The following AGT variants were observed in gnomAD, a reference collection of about 807,000 sequenced individuals.
AGT encodes the protein angiotensinogen.
A neutral mutation model predicts 28.1 loss-of-function variants in AGT; 26 were observed. The observed-to-expected ratio is 0.92, with a 90% confidence interval of 0.68 to 1.28. The LOEUF (loss-of-function observed/expected upper bound fraction) is 1.28, where lower values mean the gene tolerates loss of function less well. Among genes scored for constraint, AGT ranks in the 50% most tolerant of loss-of-function variants. The pLI is 0.00. For synonymous variants in AGT, 259 were observed against 259.6 expected, an observed-to-expected ratio of 1.00 and a Z score of 0.02; for missense variants, 596 against 592.3, an observed-to-expected ratio of 1.01 and a Z score of -0.06.
At chr1:230,736,155 A>G (rs1342971122) in intron 1 of AGT, among the ~76,000 whole-genome samples, 2 of 149,874 alleles carry the variant, frequency 1.3e-5, no homozygotes, top group Admixed American at 6.7e-5. Context: ...ATTTATGTTT[A>G]AGGCAAAGTT....
intron 1 of AGT, among the ~76,000 whole-genome samples, chr1:230,740,811 T>C (rs188300898): frequency 1.3e-5 from 2 of 152,238 alleles, no homozygotes; most frequent in East Asian, 3.9e-4. Flanking sequence ...TAGCTGGATG[T>C]GGTGGCACAC....
intron 1 of AGT, among the ~76,000 whole-genome samples, chr1:230,735,207 C>T (rs2102805103): frequency 6.6e-6 from 1 of 152,240 alleles, no homozygotes; most frequent in East Asian, 1.9e-4. Flanking sequence ...TCACTGAACG[C>T]TTCCTTCCAC....
At chr1:230,713,930 G>T (rs1000072384) in intron 1 of AGT, among the ~76,000 whole-genome samples, 156 bp downstream of exon 1, 8 of 152,152 alleles carry the variant, frequency 5.3e-5, no homozygotes, top group Admixed American at 1.3e-4. Flanking sequence ...GGCACCGAGT[G>T]GGGGAAAGCC....
At chr1:230,714,337 C>T (rs5049), upstream of AGT, 24,510 of 152,278 alleles carry the variant, frequency 0.16, 2,314 homozygotes, top group African/African-American at 0.27. Flanking sequence ...CAGAGTGAGC[C>T]GGTGCAGGGT....
intron 2 of AGT, among the ~76,000 whole-genome samples, chr1:230,706,421 C>T (rs886844601): frequency 6.6e-6 from 1 of 152,112 alleles, no homozygotes; most frequent in Non-Finnish European, 1.5e-5. Flanking sequence ...CTGAGGCAGC[C>T]CTAACCGCCA....
intron 2 of AGT, among the ~76,000 whole-genome samples, chr1:230,706,823 C>T (rs771830356): frequency 1.1e-4 from 17 of 152,132 alleles, no homozygotes; most frequent in South Asian, 4.1e-4. Context: ...TAGGTTTGGA[C>T]GCACGTAGAA....
intron 1 of AGT, among the ~76,000 whole-genome samples, chr1:230,732,216 G>T (rs1664082382): frequency 6.6e-6 from 1 of 152,134 alleles, no homozygotes; most frequent in Non-Finnish European, 1.5e-5. Context: ...GCTCAGGCTG[G>T]TCTCAAATTC....
chr1:230,718,027 G>C (rs185475313), upstream of AGT, among the ~76,000 whole-genome samples: 1 of 152,178 alleles, frequency 6.6e-6, no homozygotes, highest in Admixed American at 6.5e-5. Context: ...GCAGTGGCAT[G>C]ATCATGTCTC....
In AGT at chr1:230,710,271, G is replaced by GTACT; in HGVS notation, c.552_553insAGTA (p.Gln185SerfsTer6). On this transcript the variant is annotated frameshift_variant, in exon 2 of 5. Coordinates refer to ENST00000366667, the MANE Select transcript of AGT (RefSeq NM_001384479.1). LOFTEE classifies it high-confidence loss of function. ...TGGGCCTGGCTATCAGCCCTGCCCT[G>GTACT]GGCCACTAGCAGGCCCTGTACAGCC... 1 of 1,613,848 alleles carries GTACT rather than the reference G, an allele frequency of 6.2e-7. No individual in the cohort carries two copies. Among genetic ancestry groups the GTACT allele is most frequent in the Non-Finnish European group, 8.5e-7 (1 of 1,180,016 alleles).
intron 1 of AGT, among the ~76,000 whole-genome samples, chr1:230,728,183 A>C (rs1031218483): frequency 1.3e-5 from 2 of 152,170 alleles, no homozygotes; most frequent in African/African-American, 4.8e-5. Flanking sequence ...AAAAGTCTGA[A>C]AAGGAATCTG....
At chr1:230,708,951 C>T (rs1246285582) in intron 2 of AGT, among the ~76,000 whole-genome samples, 1 of 152,222 alleles carries the variant, frequency 6.6e-6, no homozygotes, top group Admixed American at 6.5e-5. Context: ...AAGCCAACCG[C>T]CCCATCCTCG....
At chr1:230,720,260 A>G (rs1449319754) in intron 1 of AGT, among the ~76,000 whole-genome samples, 2 of 152,218 alleles carry the variant, frequency 1.3e-5, no homozygotes, top group East Asian at 3.9e-4. Flanking sequence ...TTATCTCACA[A>G]GCAGAGGGAG....
chr1:230,724,344 T>G (rs949948796), intron 1 of AGT, among the ~76,000 whole-genome samples: 3 of 152,226 alleles, frequency 2.0e-5, no homozygotes, highest in Non-Finnish European at 2.9e-5. Flanking sequence ...TTTAGAAACA[T>G]CTACTGTATT....
intron 1 of AGT, among the ~76,000 whole-genome samples, chr1:230,738,876 C>T (rs79128378): frequency 0.022 from 3,414 of 152,052 alleles, 122 homozygotes; most frequent in African/African-American, 0.077. Flanking sequence ...TTAATAAACC[C>T]AGTAATATTG....
upstream of AGT, among the ~76,000 whole-genome samples, chr1:230,716,638 T>C (rs908818595): frequency 1.3e-5 from 2 of 152,220 alleles, no homozygotes; most frequent in African/African-American, 4.8e-5. Context: ...GGAGTTCCCC[T>C]GAACATGCTT....
chr1:230,704,419 T>C (rs1663326183), intron 3 of AGT, 82 bp from the exon 4 acceptor site: 7 of 1,536,892 alleles, frequency 4.6e-6, no homozygotes, highest in South Asian at 2.3e-5. Context: ...TTATGCTCCT[T>C]GCACCCAACC....
At chr1:230,744,584 C>G in intron 1 of AGT, among the ~76,000 whole-genome samples, 1 of 152,294 alleles carries the variant, frequency 6.6e-6, no homozygotes. Context: ...GATTGTTAAA[C>G]CTTTTTGGTG....
intron 1 of AGT, among the ~76,000 whole-genome samples, chr1:230,721,212 C>T (rs1047262646): frequency 3.3e-5 from 5 of 152,246 alleles, no homozygotes; most frequent in Non-Finnish European, 5.9e-5. Context: ...GTCCTTTTAT[C>T]AGCAGAGTCA....
intron 1 of AGT, among the ~76,000 whole-genome samples, chr1:230,730,957 A>G (rs1430714795): frequency 2.6e-5 from 4 of 152,178 alleles, no homozygotes; most frequent in African/African-American, 9.7e-5. Context: ...AGTAGTTATG[A>G]ATTAACCTAA....
Sources: allele counts gnomAD v4.1 joint callset (sites outside exome capture counted in the v4.1 genomes callset), GRCh38; gene constraint gnomAD v4.1.1; transcripts MANE v1.5; gene names NCBI Gene and HGNC (gene_info 2026-07-23, HGNC 2026-07-21).